Variants in TSPAN3 observed in about 807,000 individuals in gnomAD.
The protein encoded by TSPAN3 is tetraspanin 3.
TSPAN3 carries 9 observed loss-of-function variants against 31.1 expected under a neutral mutation model. The ratio of observed to expected loss-of-function variants is 0.29; its 90% confidence interval spans 0.17 to 0.50. TSPAN3 has a LOEUF of 0.50. TSPAN3 is among the 20% of genes least tolerant of loss of function. The probability of loss-of-function intolerance (pLI) is 0.98; values close to 1 mark genes in which losing one functional copy is unlikely to be tolerated. For missense variants in TSPAN3, 252 were observed against 313.5 expected (o/e 0.80, Z 1.48); for synonymous variants, 129 against 114.3 (o/e 1.13, Z -0.82).
intron 1 of TSPAN3, among the ~76,000 whole-genome samples, chr15:77,067,494 A>G (rs1468577728): frequency 6.6e-6 from 1 of 152,238 alleles, no homozygotes; most frequent in African/African-American, 2.4e-5. Flanking sequence ...CTTGTTAACA[A>G]TCAGCCATTA....
At chr15:77,057,479 T>C (rs2152696657) in intron 1 of TSPAN3, among the ~76,000 whole-genome samples, 1 of 152,300 alleles carries the variant, frequency 6.6e-6, no homozygotes, top group African/African-American at 2.4e-5. Flanking sequence ...ACTAGGCCAT[T>C]AGGATCACTG....
chr15:77,071,058 G>T lies in TSPAN3; in HGVS notation c.-104C>A. On this transcript the variant is annotated 5_prime_UTR_variant, in exon 1 of 7. Transcript: ENST00000267970. Reference sequence around the variant, plus strand: ...CCTCGCTAGGAACTGCACGGCCTGCGCGGCGCTCCCCGCAGCCCCTGCGCC... The same window carrying T: ...CCTCGCTAGGAACTGCACGGCCTGCTCGGCGCTCCCCGCAGCCCCTGCGCC... The T allele has an allele frequency of 1.3e-6, 1 of 798,318 alleles. No individual in the cohort carries two copies. The highest frequency in any genetic ancestry group is 1.7e-6 in the Non-Finnish European group (1 of 590,490). 49.5% of individuals were successfully genotyped at this position (798,318 alleles called of 1,614,324 possible).
At chr15:77,049,488 A>G (rs2076715504) in intron 6 of TSPAN3, among the ~76,000 whole-genome samples, 1 of 152,138 alleles carries the variant, frequency 6.6e-6, no homozygotes, top group Non-Finnish European at 1.5e-5. Flanking sequence ...CAAAATCTAG[A>G]TTTTTGTCAA....
intron 4 of TSPAN3, 46 bp from the exon 5 acceptor site, chr15:77,052,975 C>T: frequency 1.3e-6 from 2 of 1,566,998 alleles, no homozygotes; most frequent in Non-Finnish European, 1.7e-6. Flanking sequence ...AAACCAAATA[C>T]CTGAAGTTCC....
chr15:77,063,345 TG>T (rs2076811465), intron 1 of TSPAN3: 1 of 152,080 alleles, frequency 6.6e-6, no homozygotes, highest in South Asian at 2.1e-4. Context: ...GTTTTATGTG[TG>T]TTTTTTTAAC....
intron 6 of TSPAN3, 151 bp from the exon 7 acceptor site, chr15:77,047,078 T>G (rs897806796): frequency 6.8e-6 from 4 of 587,478 alleles, no homozygotes; most frequent in Non-Finnish European, 1.2e-5. Flanking sequence ...GAATTTCTTA[T>G]GAGTACATTA....
chr15:77,046,264 C>G lies in TSPAN3; in HGVS notation c.*571G>C, dbSNP rs2076690316. 7.5e-6 allele frequency: 3 copies of G among 397,456 alleles called. No individual in the cohort carries two copies. In the East Asian group the frequency reaches 1.1e-4, roughly 14 times the overall value. The allele number at this position is 397,456 out of a possible 1,614,324, so 24.6% of individuals were successfully genotyped here. On this transcript the variant is annotated 3_prime_UTR_variant, in exon 7 of 7. Coordinates refer to ENST00000267970, the MANE Select transcript of TSPAN3 (RefSeq NM_005724.6). ...ATTAAAAACCACTAGTTTCAAAGCT[C>G]AGTCTCTGATTTTGAAGATGAACCA...
chr15:77,050,166 C>T (rs2076721231), intron 6 of TSPAN3, among the ~76,000 whole-genome samples: 1 of 152,310 alleles, frequency 6.6e-6, no homozygotes, highest in East Asian at 1.9e-4. Flanking sequence ...GTTTTCCACA[C>T]CCAGGGCACC....
At chr15:77,067,194 T>C (rs1163306386) in intron 1 of TSPAN3, among the ~76,000 whole-genome samples, 1 of 152,166 alleles carries the variant, frequency 6.6e-6, no homozygotes, top group Non-Finnish European at 1.5e-5. Context: ...ATTCTAACCA[T>C]AGCAGGAGTT....
At chr15:77,049,946 G>A (rs1304848507) in intron 6 of TSPAN3, among the ~76,000 whole-genome samples, 1 of 152,154 alleles carries the variant, frequency 6.6e-6, no homozygotes, top group East Asian at 1.9e-4. Context: ...TGGAGGCAGA[G>A]TACAAACAAA....
Position 77,046,349 on chromosome 15 carries a change from T to C in TSPAN3, c.*486A>G, listed in dbSNP as rs771813277. ...GTCATTTTGTACAGCTGCTATCTTA[T>C]TGGACTACAGTAAATATTTTTTAAA... On this transcript the variant is annotated 3_prime_UTR_variant, in exon 7 of 7. Transcript: ENST00000267970. The C allele has an allele frequency of 9.5e-5, 38 of 401,346 alleles. No homozygotes were observed. The highest frequency in any genetic ancestry group is 7.8e-4 in the East Asian group (22 of 28,108). 24.9% of individuals were successfully genotyped at this position (401,346 alleles called of 1,614,324 possible).
Position 77,067,805 on chromosome 15 carries a change from G to C in TSPAN3, c.63+3087C>G, listed in dbSNP as rs186449964. On this transcript the variant is annotated intron_variant, in intron 1 of 6. Transcript: ENST00000267970. ...AATTCTGGTACAGTTTCTAATTTTA[G>C]CAATCTCAAAATCAGCATGCTTTAG... 23 of 152,258 alleles carry C rather than the reference G, an allele frequency of 1.5e-4. No homozygotes were observed. The East Asian group carries it at 4.4e-3, about 29-fold the overall frequency. 9.4% of individuals were successfully genotyped at this position (152,258 alleles called of 1,614,324 possible).
At chr15:77,056,817 A>T (rs1272932619) in intron 1 of TSPAN3, among the ~76,000 whole-genome samples, 2 of 152,204 alleles carry the variant, frequency 1.3e-5, no homozygotes, top group Non-Finnish European at 2.9e-5. Flanking sequence ...TAGAGGGCTC[A>T]GTCATTAAAG....
rs1206932844 is a variant in TSPAN3, at chr15:77,042,555, T to C, written c.*4280A>G. 6.6e-6 allele frequency: 1 copy of C among 152,144 alleles called. No individual in the cohort carries two copies. Among genetic ancestry groups the C allele is most frequent in the Non-Finnish European group, 1.5e-5 (1 of 68,040 alleles). 9.4% of individuals were successfully genotyped at this position (152,144 alleles called of 1,614,324 possible). A position where few individuals can be genotyped will look rare whatever the true frequency, so the allele number is the denominator to read the frequency against. ...CCAAGTCGGGAACTATCTGAGGAAC[T>C]CTTCCCCCATCCCCAAAGGTCAATG... On this transcript the variant is annotated 3_prime_UTR_variant, in exon 7 of 7. Coordinates refer to ENST00000267970, the MANE Select transcript of TSPAN3 (RefSeq NM_005724.6).
chr15:77,057,177 C>T (rs767705092), intron 1 of TSPAN3, among the ~76,000 whole-genome samples: 2 of 152,234 alleles, frequency 1.3e-5, no homozygotes, highest in Non-Finnish European at 2.9e-5. Context: ...TCTGTGCTGA[C>T]AGCCCAATGC....
intron 1 of TSPAN3, among the ~76,000 whole-genome samples, chr15:77,061,454 G>T (rs530792932): frequency 6.6e-6 from 1 of 152,174 alleles, no homozygotes; most frequent in East Asian, 1.9e-4. Flanking sequence ...CTTGAACCTG[G>T]AAGGCAGAGG....
chr15:77,070,585 G>T (rs577102787), intron 1 of TSPAN3, among the ~76,000 whole-genome samples: 383 of 152,146 alleles, frequency 2.5e-3, no homozygotes, highest in African/African-American at 3.6e-3. Context: ...GCGACTCCGG[G>T]GGGGGGAGAC....
chr15:77,060,430 C>A (rs1242221320), intron 1 of TSPAN3, among the ~76,000 whole-genome samples: 1 of 151,902 alleles, frequency 6.6e-6, no homozygotes, highest in African/African-American at 2.4e-5. Flanking sequence ...TAAAAACAGC[C>A]AAAAGTAATT....
At chr15:77,066,440 C>T (rs1022406560) in intron 1 of TSPAN3, among the ~76,000 whole-genome samples, 4 of 151,882 alleles carry the variant, frequency 2.6e-5, no homozygotes, top group Admixed American at 6.6e-5. Context: ...GGCATGGTGG[C>T]GCACGCCTGT....
Sources: gnomAD v4.1 joint callset for allele counts (sites outside exome capture counted in the v4.1 genomes callset) on GRCh38, gnomAD v4.1.1 for gene constraint, MANE v1.5 for transcripts, NCBI Gene and HGNC (gene_info 2026-07-23, HGNC 2026-07-21) for gene names.